Variants in ADARB2 observed in about 807,000 individuals in gnomAD.
The protein encoded by ADARB2 is inactive double-stranded RNA-specific editase B2.
Under a neutral mutation model 62.2 loss-of-function variants are expected in ADARB2, and 25 were observed. The observed-to-expected ratio is 0.40, with a 90% CI of 0.29 to 0.56. The LOEUF is 0.56. ADARB2 is among the 20% of genes least tolerant of loss of function. The probability of loss-of-function intolerance (pLI) is 0.43; values close to 1 mark genes in which losing one functional copy is unlikely to be tolerated. For synonymous variants in ADARB2, 572 were observed against 500.8 expected (o/e 1.14, Z -1.90); for missense variants, 1,071 against 1,077.4 (o/e 0.99, Z 0.08).
intron 1 of ADARB2, among the ~76,000 whole-genome samples, chr10:1,515,943 A>G (rs1832003150): frequency 6.6e-6 from 1 of 152,188 alleles, no homozygotes; most frequent in Admixed American, 6.5e-5. Flanking sequence ...CCTCATGTCA[A>G]CATGGAGTGT....
At chr10:1,487,853 G>A (rs1277436812) in intron 1 of ADARB2, among the ~76,000 whole-genome samples, 1 of 152,132 alleles carries the variant, frequency 6.6e-6, no homozygotes, top group Non-Finnish European at 1.5e-5. Flanking sequence ...AAAAACACGT[G>A]CCGCGGGTGT....
chr10:1,234,013 C>T (rs1481313015), intron 5 of ADARB2, among the ~76,000 whole-genome samples, 168 bp from the exon 6 acceptor site: 1 of 145,386 alleles, frequency 6.9e-6, no homozygotes, highest in Non-Finnish European at 1.5e-5. Flanking sequence ...TTCTGTCACC[C>T]AGGCTGGAGT....
chr10:1,694,914 C>A (rs1227031403), intron 1 of ADARB2, among the ~76,000 whole-genome samples: 1 of 152,086 alleles, frequency 6.6e-6, no homozygotes. Context: ...CATCCTGGGG[C>A]TCCTTTTCAC....
chr10:1,568,075 A>C (rs899717831), intron 1 of ADARB2, among the ~76,000 whole-genome samples: 7 of 152,254 alleles, frequency 4.6e-5, no homozygotes, highest in African/African-American at 1.4e-4. Flanking sequence ...ACACAACTGA[A>C]GAATACTGAA....
intron 8 of ADARB2, among the ~76,000 whole-genome samples, chr10:1,185,322 C>A (rs146311709): frequency 1.3e-5 from 2 of 152,304 alleles, no homozygotes; most frequent in African/African-American, 2.4e-5. Flanking sequence ...AGATTCCCCC[C>A]CCTTCTGTAA....
chr10:1,484,077 C>T (rs573985811), intron 1 of ADARB2, among the ~76,000 whole-genome samples: 2 of 152,296 alleles, frequency 1.3e-5, no homozygotes, highest in Non-Finnish European at 1.5e-5. Context: ...CTTGATGTGA[C>T]GTCTTCACAA....
intron 1 of ADARB2, among the ~76,000 whole-genome samples, chr10:1,593,795 CT>C: frequency 6.6e-6 from 1 of 152,286 alleles, no homozygotes; most frequent in South Asian, 2.1e-4. Flanking sequence ...CCTTCTCTCT[CT>C]TTTTTCCTAA....
At chr10:1,709,417 C>T (rs538697998) in intron 1 of ADARB2, among the ~76,000 whole-genome samples, 14 of 152,330 alleles carry the variant, frequency 9.2e-5, no homozygotes, top group Non-Finnish European at 1.9e-4. Context: ...TTGCCACAGA[C>T]TCTAATTTCT....
chr10:1,676,891 A>G (rs1023136305), intron 1 of ADARB2, among the ~76,000 whole-genome samples: 1 of 152,118 alleles, frequency 6.6e-6, no homozygotes, highest in African/African-American at 2.4e-5. Context: ...AGTGTCAGAA[A>G]CTCAGACCTC....
At chr10:1,656,036 A>G (rs866567715) in intron 1 of ADARB2, among the ~76,000 whole-genome samples, 1 of 152,202 alleles carries the variant, frequency 6.6e-6, no homozygotes, top group African/African-American at 2.4e-5. Flanking sequence ...GTTCACATTT[A>G]ATTTTTCAGA....
intron 1 of ADARB2, among the ~76,000 whole-genome samples, chr10:1,650,648 A>G (rs1319435277): frequency 6.6e-6 from 1 of 152,196 alleles, no homozygotes; most frequent in Non-Finnish European, 1.5e-5. Context: ...ATCTTAAATT[A>G]AACGGGCACA....
intron 1 of ADARB2, chr10:1,678,101 G>A (rs374342099): frequency 6.0e-5 from 58 of 963,014 alleles, no homozygotes; most frequent in Middle Eastern, 5.3e-4. Context: ...GCCAATTTCT[G>A]TGGCTTCAAA....
intron 1 of ADARB2, among the ~76,000 whole-genome samples, chr10:1,449,157 C>T (rs551810204): frequency 6.6e-6 from 1 of 152,328 alleles, no homozygotes; most frequent in East Asian, 1.9e-4. Flanking sequence ...GTGACCCCCA[C>T]TCCTTTTCTT....
intron 4 of ADARB2, among the ~76,000 whole-genome samples, chr10:1,259,834 A>G (rs1831116837): frequency 1.3e-5 from 2 of 152,244 alleles, no homozygotes; most frequent in South Asian, 2.1e-4. Context: ...AAAGCCTGGC[A>G]GAGACACAAC....
intron 1 of ADARB2, among the ~76,000 whole-genome samples, chr10:1,610,750 A>G (rs547723394): frequency 6.6e-4 from 23 of 34,782 alleles, no homozygotes; most frequent in African/African-American, 9.0e-4. Context: ...GGGCAGGCGC[A>G]CACACACACA....
intron 1 of ADARB2, among the ~76,000 whole-genome samples, chr10:1,705,249 G>A (rs111332314): frequency 0.016 from 2,407 of 152,316 alleles, 60 homozygotes; most frequent in African/African-American, 0.055. Flanking sequence ...GCTGTGCTTG[G>A]CAGGGTTGCA....
chr10:1,338,785 T>G (rs1214727244), intron 3 of ADARB2, among the ~76,000 whole-genome samples: 1 of 152,184 alleles, frequency 6.6e-6, no homozygotes, highest in Non-Finnish European at 1.5e-5. Flanking sequence ...CTGCCCCTTC[T>G]TCTCCATCAG....
intron 3 of ADARB2, among the ~76,000 whole-genome samples, chr10:1,344,100 C>T (rs1176025353): frequency 1.3e-5 from 2 of 152,202 alleles, no homozygotes; most frequent in Non-Finnish European, 2.9e-5. Context: ...AATCATGGCT[C>T]TCCCACCTGT....
chr10:1,732,814 T>G (rs143567151), intron 1 of ADARB2, among the ~76,000 whole-genome samples: 220 of 152,350 alleles, frequency 1.4e-3, no homozygotes, highest in African/African-American at 5.2e-3. Flanking sequence ...TAATTTTTCA[T>G]GGATTTTCAT....
Sources: gnomAD v4.1 joint callset for allele counts (sites outside exome capture counted in the v4.1 genomes callset) on GRCh38, gnomAD v4.1.1 for gene constraint, MANE v1.5 for transcripts, NCBI Gene and HGNC (gene_info 2026-07-23, HGNC 2026-07-21) for gene names.